COMMD10: variants seen among roughly 807,000 people sequenced by gnomAD.
COMMD10 encodes COMM domain-containing protein 10.
COMMD10 carries 33 observed loss-of-function variants against 28.9 expected under a neutral mutation model. The ratio of observed to expected loss-of-function variants is 1.14; its 90% CI spans 0.87 to 1.53. The LOEUF (loss-of-function observed/expected upper bound fraction) is 1.53. COMMD10 is among the 40% of genes most tolerant of loss of function. The pLI is 0.00. For missense variants in COMMD10, 310 were observed against 233.4 expected, an observed-to-expected ratio of 1.33 and a Z score of -2.14; for synonymous variants, 110 against 81.7, an observed-to-expected ratio of 1.35 and a Z score of -1.87.
At chr5:116,118,189 C>T (rs1751305243) in intron 4 of COMMD10, among the ~76,000 whole-genome samples, 1 of 152,164 alleles carries the variant, frequency 6.6e-6, no homozygotes, top group African/African-American at 2.4e-5. Context: ...TCACATTTGT[C>T]AGTGAATCTT....
At chr5:116,148,762 C>T (rs1561631050) in intron 5 of COMMD10, among the ~76,000 whole-genome samples, 3 of 151,486 alleles carry the variant, frequency 2.0e-5, no homozygotes, top group Non-Finnish European at 2.9e-5. Context: ...AGAACATTGT[C>T]AAGAAATTGA....
At chr5:116,170,811 C>T (rs909867031) in intron 5 of COMMD10, among the ~76,000 whole-genome samples, 1 of 152,128 alleles carries the variant, frequency 6.6e-6, no homozygotes, top group African/African-American at 2.4e-5. Context: ...GGACCCCTTC[C>T]TTACACCTTA....
At chr5:116,182,388 T>C (rs902450572) in intron 5 of COMMD10, among the ~76,000 whole-genome samples, 3 of 151,964 alleles carry the variant, frequency 2.0e-5, no homozygotes, top group Admixed American at 6.6e-5. Context: ...TAGTATTGTT[T>C]ACTGAAATGG....
chr5:116,259,034 A>G (rs1346019545), intron 5 of COMMD10, among the ~76,000 whole-genome samples: 2 of 148,956 alleles, frequency 1.3e-5, no homozygotes, highest in Admixed American at 6.7e-5. Context: ...TTCTATCTCA[A>G]TAATTTTATC....
intron 5 of COMMD10, among the ~76,000 whole-genome samples, chr5:116,183,533 C>T (rs901618051): frequency 6.6e-6 from 1 of 151,870 alleles, no homozygotes; most frequent in Non-Finnish European, 1.5e-5. Flanking sequence ...TATAGGCCTC[C>T]TTGAAATTAA....
intron 5 of COMMD10, among the ~76,000 whole-genome samples, chr5:116,255,402 G>A (rs892023716): frequency 2.0e-5 from 3 of 151,498 alleles, no homozygotes; most frequent in Non-Finnish European, 4.4e-5. Context: ...CTTGATGGTC[G>A]TTACATTTTG....
chr5:116,196,400 C>T (rs1394963193), intron 5 of COMMD10, among the ~76,000 whole-genome samples: 1 of 151,928 alleles, frequency 6.6e-6, no homozygotes, highest in Non-Finnish European at 1.5e-5. Context: ...GCAGTGTATA[C>T]TGCTTGGGTG....
In COMMD10 at chr5:116,140,231, A is replaced by ATGTGTGTGTGTGTGTGTGTGTG. The variant is rs3072964; in HGVS notation, c.510+6057_510+6078dup. 8.8e-3 allele frequency among the ~76,000 whole-genome samples: 1,291 copies of ATGTGTGTGTGTGTGTGTGTGTG among 147,076 alleles called. 21 individuals are homozygous for ATGTGTGTGTGTGTGTGTGTGTG. The highest frequency in any genetic ancestry group is 0.031 in the African/African-American group (1,225 of 39,724). On this transcript the variant is annotated intron_variant, in intron 5 of 6. Coordinates refer to ENST00000274458, the MANE Select transcript of COMMD10 (RefSeq NM_016144.4). ...TTTTTCAAGGCTGACTCATACTACT[A>ATGTGTGTGTGTGTGTGTGTGTG]TGTGTGTGTGTGTGTGTGTGTGTGT...
At chr5:116,185,012 G>A (rs368103011) in intron 5 of COMMD10, among the ~76,000 whole-genome samples, 3 of 152,064 alleles carry the variant, frequency 2.0e-5, no homozygotes, top group African/African-American at 7.2e-5. Flanking sequence ...TGAAAGAATA[G>A]AAGGCAGTTA....
At chr5:116,172,056 T>G (rs150530986) in intron 5 of COMMD10, among the ~76,000 whole-genome samples, 1 of 152,266 alleles carries the variant, frequency 6.6e-6, no homozygotes, top group African/African-American at 2.4e-5. Context: ...AAGATTTTGC[T>G]TAGTGGTATG....
intron 5 of COMMD10, among the ~76,000 whole-genome samples, chr5:116,265,006 T>G (rs1271351115): frequency 6.6e-6 from 1 of 151,820 alleles, no homozygotes; most frequent in African/African-American, 2.4e-5. Flanking sequence ...TTTTTTATAT[T>G]ATTATGGCTT....
intron 5 of COMMD10, among the ~76,000 whole-genome samples, chr5:116,271,983 C>G (rs1165196465): frequency 6.6e-6 from 1 of 151,832 alleles, no homozygotes; most frequent in African/African-American, 2.4e-5. Flanking sequence ...TGGGATTACA[C>G]AAATTTAACC....
chr5:116,133,994 T>G (rs1016486593), intron 4 of COMMD10, 74 bp from the exon 5 acceptor site: 18 of 865,458 alleles, frequency 2.1e-5, no homozygotes, highest in East Asian at 4.9e-5. Context: ...TCCTGCTGAG[T>G]GGAGATTTGC....
intron 5 of COMMD10, among the ~76,000 whole-genome samples, chr5:116,217,325 C>T (rs1749132728): frequency 6.6e-6 from 1 of 152,084 alleles, no homozygotes; most frequent in African/African-American, 2.4e-5. Context: ...ACTTAACTAC[C>T]TTCTTCAATG....
intron 5 of COMMD10, among the ~76,000 whole-genome samples, chr5:116,289,179 G>T (rs1380444581): frequency 2.0e-5 from 3 of 151,724 alleles, no homozygotes; most frequent in African/African-American, 7.3e-5. Flanking sequence ...ACCGCTCCCA[G>T]CCTTCTTTTA....
chr5:116,174,166 A>C (rs1219794282), intron 5 of COMMD10, among the ~76,000 whole-genome samples: 1 of 152,104 alleles, frequency 6.6e-6, no homozygotes, highest in African/African-American at 2.4e-5. Flanking sequence ...ATAATACCTA[A>C]CTGGATACCT....
At chr5:116,108,732 GA>G (rs1283255444) in intron 4 of COMMD10, among the ~76,000 whole-genome samples, 2 of 77,106 alleles carry the variant, frequency 2.6e-5, no homozygotes, top group African/African-American at 7.8e-5. Flanking sequence ...ATTGGGGTAT[GA>G]AAAAAACAAA....
intron 5 of COMMD10, among the ~76,000 whole-genome samples, chr5:116,168,904 A>G (rs115132329): frequency 0.03 from 4,533 of 152,312 alleles, 218 homozygotes; most frequent in African/African-American, 0.1. Flanking sequence ...ACACCTTACC[A>G]TCACAGTTAA....
At chr5:116,173,312 G>A (rs1218918495) in intron 5 of COMMD10, among the ~76,000 whole-genome samples, 1 of 152,008 alleles carries the variant, frequency 6.6e-6, no homozygotes, top group African/African-American at 2.4e-5. Context: ...TATGAGTTTA[G>A]TTATATTCAA....
Sources: allele counts gnomAD v4.1 joint callset (sites outside exome capture counted in the v4.1 genomes callset), GRCh38; gene constraint gnomAD v4.1.1; transcripts MANE v1.5; gene names NCBI Gene and HGNC (gene_info 2026-07-23, HGNC 2026-07-21).